PPP3CA: variants seen among roughly 807,000 people sequenced by gnomAD.
PPP3CA encodes CAM-PRP catalytic subunit.
A neutral mutation model predicts 66.5 loss-of-function variants in PPP3CA; 14 were observed. The ratio of observed to expected loss-of-function variants is 0.21; its 90% CI spans 0.14 to 0.33. The LOEUF (loss-of-function observed/expected upper bound fraction) is 0.33. Ranked by LOEUF, PPP3CA falls within the 10% of genes least tolerant of loss-of-function variation. The pLI, the probability that PPP3CA is intolerant of heterozygous loss-of-function variation, is 1.00. For synonymous variants in PPP3CA, 232 were observed against 226.2 expected (o/e 1.03, Z -0.23); for missense variants, 317 against 639.5 (o/e 0.50, Z 5.44).
intron 3 of PPP3CA, among the ~76,000 whole-genome samples, chr4:101,106,684 T>A (rs1271024787): frequency 6.6e-6 from 1 of 152,122 alleles, no homozygotes; most frequent in African/African-American, 2.4e-5. Context: ...TTGAAGGAAT[T>A]GGGCCATTTC....
At chr4:101,061,604 T>C (rs1728463435) in intron 9 of PPP3CA, among the ~76,000 whole-genome samples, 1 of 152,146 alleles carries the variant, frequency 6.6e-6, no homozygotes, top group South Asian at 2.1e-4. Context: ...TATAGGCATG[T>C]GGTTTTGTGT....
At chr4:101,154,808 A>ATTTTTTTTTTTT (rs779695561) in intron 2 of PPP3CA, among the ~76,000 whole-genome samples, 5 of 90,582 alleles carry the variant, frequency 5.5e-5, no homozygotes, top group African/African-American at 2.0e-4. Context: ...CACTCCCAGA[A>ATTTTTTTTTTTT]TTTTTTTTTT....
intron 2 of PPP3CA, among the ~76,000 whole-genome samples, chr4:101,131,348 C>A (rs1168886937): frequency 6.6e-6 from 1 of 150,584 alleles, no homozygotes; most frequent in African/African-American, 2.4e-5. Flanking sequence ...ATTCAGGAGA[C>A]CCATCTCATG....
At chr4:101,317,253 A>AACACACACACAC (rs3840161) in intron 1 of PPP3CA, among the ~76,000 whole-genome samples, 2,019 of 145,370 alleles carry the variant, frequency 0.014, 56 homozygotes, top group African/African-American at 0.049. Context: ...CGGTACTCCC[A>AACACACACACAC]ACACACACAC....
At chr4:101,249,153 C>G (rs1384012177) in intron 1 of PPP3CA, among the ~76,000 whole-genome samples, 2 of 136,616 alleles carry the variant, frequency 1.5e-5, no homozygotes, top group East Asian at 2.1e-4. Context: ...GGCGACAGAG[C>G]GAGACTCTGT....
intron 6 of PPP3CA, among the ~76,000 whole-genome samples, chr4:101,090,319 A>G: frequency 6.6e-6 from 1 of 152,174 alleles, no homozygotes; most frequent in Non-Finnish European, 1.5e-5. Flanking sequence ...TATACTTGCC[A>G]TAGCTAAAAA....
At chr4:101,320,011 TC>T (rs1728991495) in intron 1 of PPP3CA, among the ~76,000 whole-genome samples, 1 of 152,002 alleles carries the variant, frequency 6.6e-6, no homozygotes, top group Non-Finnish European at 1.5e-5. Flanking sequence ...TTCTACCCAA[TC>T]CCCAATTTCC....
At chr4:101,104,497 A>G (rs1310439701) in intron 3 of PPP3CA, among the ~76,000 whole-genome samples, 1 of 151,840 alleles carries the variant, frequency 6.6e-6, no homozygotes, top group African/African-American at 2.4e-5. Context: ...TAATGAATAT[A>G]CTATGGCAAA....
At chr4:101,156,721 A>G (rs1403022237) in intron 2 of PPP3CA, among the ~76,000 whole-genome samples, 1 of 152,140 alleles carries the variant, frequency 6.6e-6, no homozygotes, top group East Asian at 1.9e-4. Context: ...CCAGGGACAA[A>G]GAACAAAGCA....
intron 3 of PPP3CA, among the ~76,000 whole-genome samples, chr4:101,104,778 C>T (rs530246143): frequency 1.6e-4 from 25 of 152,198 alleles, no homozygotes; most frequent in Admixed American, 5.9e-4. Flanking sequence ...ATTTTACATA[C>T]GATATCAATG....
At chr4:101,242,903 G>C (rs1374675365) in intron 1 of PPP3CA, among the ~76,000 whole-genome samples, 1 of 152,128 alleles carries the variant, frequency 6.6e-6, no homozygotes, top group East Asian at 1.9e-4. Context: ...CTCCAGCCTA[G>C]GTAACACAGA....
At chr4:101,054,255 CA>C (rs1039271301) in intron 10 of PPP3CA, among the ~76,000 whole-genome samples, 58 of 151,894 alleles carry the variant, frequency 3.8e-4, no homozygotes, top group Non-Finnish European at 7.8e-4. Flanking sequence ...AATCACAGCA[CA>C]AAAAAAGCTC....
intron 1 of PPP3CA, among the ~76,000 whole-genome samples, chr4:101,249,100 C>T (rs191930192): frequency 1.0e-3 from 156 of 151,606 alleles, no homozygotes; most frequent in African/African-American, 3.7e-3. Context: ...GCGGAGCTTG[C>T]AGTGAGCCGA....
intron 1 of PPP3CA, among the ~76,000 whole-genome samples, chr4:101,267,258 T>C (rs1727195780): frequency 6.6e-6 from 1 of 152,172 alleles, no homozygotes; most frequent in Non-Finnish European, 1.5e-5. Flanking sequence ...CATCTAAAAG[T>C]TGAATAAAAT....
chr4:101,172,149 A>T (rs1370144546), intron 2 of PPP3CA, among the ~76,000 whole-genome samples: 1 of 152,148 alleles, frequency 6.6e-6, no homozygotes, highest in Non-Finnish European at 1.5e-5. Context: ...TAAGCCCATG[A>T]CAGGCAGTGG....
intron 2 of PPP3CA, among the ~76,000 whole-genome samples, chr4:101,132,653 C>A (rs1325672833): frequency 1.3e-5 from 2 of 152,054 alleles, no homozygotes; most frequent in Non-Finnish European, 2.9e-5. Context: ...TATTCACAGC[C>A]GAATTCTACC....
intron 1 of PPP3CA, among the ~76,000 whole-genome samples, chr4:101,272,712 A>G (rs1305702316): frequency 2.6e-5 from 4 of 152,224 alleles, no homozygotes; most frequent in Non-Finnish European, 5.9e-5. Flanking sequence ...TCTACAAAGT[A>G]CTTGAAACGG....
At chr4:101,114,024 C>T (rs1721763350) in intron 2 of PPP3CA, among the ~76,000 whole-genome samples, 2 of 152,130 alleles carry the variant, frequency 1.3e-5, no homozygotes, top group Admixed American at 1.3e-4. Flanking sequence ...ATGCTTCCCA[C>T]ATTCTCCTGG....
intron 1 of PPP3CA, among the ~76,000 whole-genome samples, chr4:101,207,241 C>G (rs1026418633): frequency 3.3e-5 from 5 of 152,098 alleles, no homozygotes. Flanking sequence ...GAAAGCAGTT[C>G]AAATATTTCC....
Sources: gnomAD v4.1 joint callset for allele counts (sites outside exome capture counted in the v4.1 genomes callset) on GRCh38, gnomAD v4.1.1 for gene constraint, MANE v1.5 for transcripts, NCBI Gene and HGNC (gene_info 2026-07-23, HGNC 2026-07-21) for gene names.